The following SYT17 variants were observed in gnomAD, a reference collection of about 807,000 sequenced individuals.
The protein encoded by SYT17 is synaptotagmin 17, also known as synaptotagmin-17.
Under a neutral mutation model 46.7 loss-of-function variants are expected in SYT17, and 22 were observed. The ratio of observed to expected loss-of-function variants is 0.47; its 90% CI spans 0.34 to 0.67. The LOEUF is 0.67. Ranked by LOEUF, SYT17 falls within the 30% of genes least tolerant of loss-of-function variation. SYT17 has a pLI of 0.01. For missense variants in SYT17, 519 were observed against 612.8 expected (o/e 0.85, Z 1.62); for synonymous variants, 251 against 248.4 (o/e 1.01, Z -0.10).
chr16:19,188,417 T>C (rs1964867522), intron 5 of SYT17, among the ~76,000 whole-genome samples: 1 of 142,986 alleles, frequency 7.0e-6, no homozygotes, highest in Non-Finnish European at 1.5e-5. Flanking sequence ...TGAAATAATC[T>C]ATACAACAAT....
At chr16:19,182,851 C>T (rs934124802) in intron 4 of SYT17, among the ~76,000 whole-genome samples, 8 of 152,334 alleles carry the variant, frequency 5.3e-5, no homozygotes, top group Admixed American at 3.3e-4. Flanking sequence ...TCTGTGCCTA[C>T]GGGCACATTC....
At chr16:19,230,012 C>T (rs1001918451) in intron 7 of SYT17, among the ~76,000 whole-genome samples, 3 of 152,066 alleles carry the variant, frequency 2.0e-5, no homozygotes, top group Non-Finnish European at 4.4e-5. Context: ...AGTAGTCAAA[C>T]TCATAGACAG....
At chr16:19,172,993 T>C (rs1964160640) in intron 2 of SYT17, 2 of 609,402 alleles carry the variant, frequency 3.3e-6, no homozygotes, top group African/African-American at 1.9e-5. Context: ...CCCCTACTTA[T>C]TCCGTTTGAT....
intron 5 of SYT17, among the ~76,000 whole-genome samples, chr16:19,196,186 C>T (rs4780782): frequency 0.68 from 103,000 of 151,792 alleles, 35,500 homozygotes; most frequent in African/African-American, 0.77. Flanking sequence ...CTGATTTGTG[C>T]TTCAATTTAT....
At chr16:19,257,134 A>G (rs554722047) in intron 7 of SYT17, among the ~76,000 whole-genome samples, 2 of 152,334 alleles carry the variant, frequency 1.3e-5, no homozygotes, top group East Asian at 3.9e-4. Context: ...CTGATTTTTA[A>G]TTATTATAAT....
At chr16:19,257,272 A>G (rs1260935847) in intron 7 of SYT17, among the ~76,000 whole-genome samples, 6 of 152,162 alleles carry the variant, frequency 3.9e-5, no homozygotes, top group Non-Finnish European at 4.4e-5. Flanking sequence ...TAAGTCATGG[A>G]TGAAACTTCT....
intron 5 of SYT17, among the ~76,000 whole-genome samples, chr16:19,215,623 A>G (rs1270689304): frequency 6.6e-6 from 1 of 151,988 alleles, no homozygotes; most frequent in African/African-American, 2.4e-5. Context: ...CACCATGTTT[A>G]CCAGGCTGGT....
At chr16:19,248,685 G>A (rs1967781659) in intron 7 of SYT17, among the ~76,000 whole-genome samples, 1 of 152,144 alleles carries the variant, frequency 6.6e-6, no homozygotes, top group Admixed American at 6.6e-5. Context: ...AGCTGGGCAT[G>A]GTGGTGGGTG....
Position 19,183,617 on chromosome 16 carries a change from C to A in SYT17, c.421C>A (p.Pro141Thr), listed in dbSNP as rs775695143. 3 of 1,614,200 alleles carry A rather than the reference C, an allele frequency of 1.9e-6. No individual in the cohort carries two copies. Among genetic ancestry groups the A allele is most frequent in the Non-Finnish European group, 2.5e-6 (3 of 1,180,026 alleles). The change falls in exon 5 of 8, where the codon CCT (proline) becomes ACT (threonine). Residue 141 changes from proline (P) to threonine (T), a missense_variant. Coordinates refer to ENST00000355377, the MANE Select transcript of SYT17 (RefSeq NM_016524.4). This position sits in a 1 kb window ranked among gnomAD's most constrained non-coding sequence, Gnocchi z 5.6. ...VLSAKKEPIQ[P>T]SVLRRTYNPD... ...CAGCGCCAAGAAGGAGCCCATCCAACCTTCGGTGCTCAGACGGACCTATAA... is the reference window on the plus strand; with the variant it reads ...CAGCGCCAAGAAGGAGCCCATCCAAACTTCGGTGCTCAGACGGACCTATAA...
In SYT17 at chr16:19,183,982, C is replaced by T. The variant is rs371943235; in HGVS notation, c.786C>T (p.Phe262=). The T allele has an allele frequency of 1.8e-5, 29 of 1,614,042 alleles. No individual in the cohort carries two copies. Among genetic ancestry groups the T allele is most frequent in the East Asian group, 4.5e-5 (2 of 44,874 alleles). The change falls in exon 5 of 8, where the codon TTC becomes TTT. Residue 262 remains phenylalanine (F), a synonymous_variant. Coordinates refer to ENST00000355377, the MANE Select transcript of SYT17 (RefSeq NM_016524.4). The surrounding 1 kb of genome is among the most constrained non-coding windows in gnomAD (Gnocchi z 5.6). ...CCGTGTTTGAGGAGCGCTACACCTT[C>T]GAGATCCCCTTCCTGGAGGCCCAGA... ...QKPVFEERYT[F]EIPFLEAQRR...
intron 7 of SYT17, among the ~76,000 whole-genome samples, chr16:19,254,124 T>C (rs1338430926): frequency 1.3e-5 from 2 of 152,182 alleles, no homozygotes; most frequent in Non-Finnish European, 2.9e-5. Flanking sequence ...CTCTGTGGGA[T>C]GGGACTAAGT....
intron 5 of SYT17, among the ~76,000 whole-genome samples, chr16:19,198,397 C>G (rs12929205): frequency 0.24 from 36,064 of 152,078 alleles, 4,685 homozygotes; most frequent in Middle Eastern, 0.32. Context: ...CTTTAATTTT[C>G]AGGTCAGAGC....
At chr16:19,221,983 A>G (rs1966334776) in intron 5 of SYT17, among the ~76,000 whole-genome samples, 1 of 152,162 alleles carries the variant, frequency 6.6e-6, no homozygotes, top group Non-Finnish European at 1.5e-5. Flanking sequence ...TTTGAAGCTG[A>G]ATGATGTTTG....
At chr16:19,211,430 T>C (rs949728694) in intron 5 of SYT17, 2 of 703,780 alleles carry the variant, frequency 2.8e-6, no homozygotes, top group African/African-American at 1.7e-5. Context: ...ATGGGCACTT[T>C]CTTTGCCTTT....
chr16:19,195,400 CTT>C lies in SYT17; in HGVS notation c.951+11268_951+11269del, dbSNP rs35709095. ...AAAATCAAAACAAAACAAAACAAAC[CTT>C]TTTTTTTTTTTTTTAAGAGATTGGG... On this transcript the variant is annotated intron_variant, in intron 5 of 7. Coordinates refer to ENST00000355377, the MANE Select transcript of SYT17 (RefSeq NM_016524.4). 5.0e-4 allele frequency among the ~76,000 whole-genome samples: 70 copies of C among 139,936 alleles called. 1 individual carries two copies. The highest frequency in any genetic ancestry group is 3.6e-3 in the Middle Eastern group (1 of 274). The allele number at this position is 139,936 out of a possible 152,430, so 91.8% of individuals were successfully genotyped here.
At chr16:19,206,497 T>C (rs1965676414) in intron 5 of SYT17, among the ~76,000 whole-genome samples, 1 of 152,142 alleles carries the variant, frequency 6.6e-6, no homozygotes, top group Admixed American at 6.5e-5. Flanking sequence ...GAGTGTTAGT[T>C]TTCTGGGGCC....
At chr16:19,182,562 T>G (rs1233772941) in intron 4 of SYT17, among the ~76,000 whole-genome samples, 1 of 152,232 alleles carries the variant, frequency 6.6e-6, no homozygotes, top group African/African-American at 2.4e-5. Context: ...AGGTAATTTC[T>G]AAGTCTCATG....
intron 3 of SYT17, 99 bp from the exon 4 acceptor site, chr16:19,180,292 C>G (rs1334412746): frequency 2.3e-6 from 3 of 1,330,736 alleles, no homozygotes; most frequent in Non-Finnish European, 3.2e-6. Context: ...TAAAATGAGT[C>G]TGAGAGCGGT....
chr16:19,211,268 G>A (rs1965888372), intron 5 of SYT17: 11 of 542,704 alleles, frequency 2.0e-5, no homozygotes, highest in Middle Eastern at 3.9e-4. Flanking sequence ...TCTTGGCTTC[G>A]ATTCTGTGGG....
Sources: gnomAD v4.1 joint callset for allele counts (sites outside exome capture counted in the v4.1 genomes callset) on GRCh38, gnomAD v4.1.1 for gene constraint, Gnocchi (gnomAD v3.1) non-coding constraint, MANE v1.5 for transcripts, NCBI Gene and HGNC (gene_info 2026-07-23, HGNC 2026-07-21) for gene names.